CSMD3: variants seen among roughly 807,000 people sequenced by gnomAD.
CSMD3 encodes CUB and sushi domain-containing protein 3.
Under a neutral mutation model 435.2 loss-of-function variants are expected in CSMD3, and 177 were observed. The observed-to-expected ratio is 0.41, with a 90% CI of 0.36 to 0.46. The LOEUF (loss-of-function observed/expected upper bound fraction) is 0.46. Ranked by LOEUF, CSMD3 falls within the 20% of genes least tolerant of loss-of-function variation. The probability of loss-of-function intolerance (pLI) is 0.34; values close to 1 mark genes in which losing one functional copy is unlikely to be tolerated. For missense variants in CSMD3, 4,265 were observed against 4,504.6 expected (o/e 0.95, Z 1.52); for synonymous variants, 1,656 against 1,520.5 (o/e 1.09, Z -2.07).
chr8:112,597,143 G>C (rs1320047784), intron 22 of CSMD3, among the ~76,000 whole-genome samples: 1 of 151,032 alleles, frequency 6.6e-6, no homozygotes, highest in Non-Finnish European at 1.5e-5. Context: ...GAAGAAAAGA[G>C]AGAAGAGTCA....
chr8:112,536,220 T>C (rs1826063360), intron 27 of CSMD3, among the ~76,000 whole-genome samples: 1 of 150,614 alleles, frequency 6.6e-6, no homozygotes, highest in Non-Finnish European at 1.5e-5. Flanking sequence ...GAAACTACCA[T>C]CAGAGTGAAC....
At chr8:112,306,684 T>C (rs997244400) in intron 50 of CSMD3, among the ~76,000 whole-genome samples, 5 of 152,174 alleles carry the variant, frequency 3.3e-5, no homozygotes, top group African/African-American at 9.7e-5. Flanking sequence ...GCTATTTCTG[T>C]CTTAGCAGAA....
At chr8:113,217,386 C>A (rs1039026342) in intron 3 of CSMD3, among the ~76,000 whole-genome samples, 1 of 150,904 alleles carries the variant, frequency 6.6e-6, no homozygotes, top group Non-Finnish European at 1.5e-5. Context: ...CAGAAACAAA[C>A]CAAGAAATGA....
At chr8:113,350,712 G>A (rs1171251557) in intron 1 of CSMD3, among the ~76,000 whole-genome samples, 1 of 152,006 alleles carries the variant, frequency 6.6e-6, no homozygotes, top group Non-Finnish European at 1.5e-5. Context: ...CTAAAATGTA[G>A]ATAGAATCAA....
intron 5 of CSMD3, among the ~76,000 whole-genome samples, chr8:113,034,720 T>C (rs2087265869): frequency 6.6e-6 from 1 of 152,148 alleles, no homozygotes; most frequent in African/African-American, 2.4e-5. Context: ...CAGAAATACA[T>C]AATGGATTAT....
At position 113,054,089 on chromosome 8, in the gene CSMD3, T is replaced by A. The variant is rs1013648446; in HGVS notation, c.918-34910A>T. On this transcript the variant is annotated intron_variant, in intron 5 of 70. Coordinates refer to ENST00000297405, the MANE Select transcript of CSMD3 (RefSeq NM_198123.2). ...ATGGAAAACTTTAGTTCACTCTTGTTATGACATTTTGTATTACTCACATCT... is the reference window on the plus strand; with the variant it reads ...ATGGAAAACTTTAGTTCACTCTTGTAATGACATTTTGTATTACTCACATCT... Among the ~76,000 whole-genome samples the A allele has an allele frequency of 2.6e-5, 4 of 152,180 alleles. No individual in the cohort carries two copies. The East Asian group carries it at 7.7e-4, about 29-fold the overall frequency.
intron 5 of CSMD3, 53 bp from the exon 6 acceptor site, chr8:113,019,232 A>G (rs2086591637): frequency 7.7e-6 from 9 of 1,171,892 alleles, no homozygotes; most frequent in South Asian, 6.1e-5. Context: ...TCAGCAGTAA[A>G]CGTTTTCACA....
chr8:113,334,504 T>C (rs1433451088), intron 1 of CSMD3, among the ~76,000 whole-genome samples: 2 of 152,010 alleles, frequency 1.3e-5, no homozygotes, highest in African/African-American at 4.8e-5. Flanking sequence ...TAGGGATTTA[T>C]ACTCTCTAGA....
intron 5 of CSMD3, among the ~76,000 whole-genome samples, chr8:113,087,726 T>C (rs1246517606): frequency 1.3e-5 from 2 of 152,136 alleles, no homozygotes; most frequent in Admixed American, 1.3e-4. Context: ...ATTAAAGACT[T>C]AAATTTTAGA....
Position 112,291,541 on chromosome 8 carries a change from T to C in CSMD3, c.8943A>G (p.Gly2981=). The C allele has an allele frequency of 1.2e-6, 2 of 1,611,278 alleles. No homozygotes were observed. Among genetic ancestry groups the C allele is most frequent in the Middle Eastern group, 1.7e-4 (1 of 6,030 alleles). Residue 2981 remains glycine (G), a synonymous_variant, in exon 56 of 71, where the codon GGA becomes GGG. Transcript: ENST00000297405. ...GSSVLICQPN[G]QWDKPLPECI... Reference sequence around the variant, plus strand: ...ATTCTGGTAAAGGTTTGTCCCATTGTCCATTTGGTTGACATATCAAAACTG... The same window carrying C: ...ATTCTGGTAAAGGTTTGTCCCATTGCCCATTTGGTTGACATATCAAAACTG...
At chr8:112,925,079 T>C (rs2082869413) in intron 9 of CSMD3, among the ~76,000 whole-genome samples, 1 of 152,120 alleles carries the variant, frequency 6.6e-6, no homozygotes, top group Non-Finnish European at 1.5e-5. Context: ...TTTATTTTTG[T>C]CCATTTATAA....
At chr8:112,790,776 A>G (rs2078668169) in intron 13 of CSMD3, among the ~76,000 whole-genome samples, 1 of 152,158 alleles carries the variant, frequency 6.6e-6, no homozygotes, top group South Asian at 2.1e-4. Context: ...TGAATGAAAC[A>G]TTGTTCTTGC....
At chr8:113,115,921 G>C (rs1001994244) in intron 4 of CSMD3, among the ~76,000 whole-genome samples, 3 of 152,072 alleles carry the variant, frequency 2.0e-5, no homozygotes, top group Admixed American at 6.6e-5. Flanking sequence ...AGAAAATATA[G>C]GTCCAAAGGT....
At chr8:112,846,742 T>C (rs961830155) in intron 11 of CSMD3, among the ~76,000 whole-genome samples, 2 of 151,984 alleles carry the variant, frequency 1.3e-5, no homozygotes, top group Non-Finnish European at 2.9e-5. Flanking sequence ...TATTTATATT[T>C]ATTGATATTT....
At chr8:112,931,148 C>T (rs2083094121) in intron 9 of CSMD3, among the ~76,000 whole-genome samples, 1 of 151,818 alleles carries the variant, frequency 6.6e-6, no homozygotes, top group South Asian at 2.1e-4. Flanking sequence ...ACCTTAAATA[C>T]TTCATCATTT....
At chr8:112,785,683 G>T (rs1208101110) in intron 13 of CSMD3, among the ~76,000 whole-genome samples, 1 of 151,824 alleles carries the variant, frequency 6.6e-6, no homozygotes, top group Non-Finnish European at 1.5e-5. Flanking sequence ...TCCCATTTAT[G>T]ATAGCTACAA....
intron 38 of CSMD3, among the ~76,000 whole-genome samples, chr8:112,357,468 C>T (rs1826729926): frequency 6.6e-6 from 1 of 152,020 alleles, no homozygotes. Flanking sequence ...GAAATTCAAG[C>T]CAGCTGCATA....
At chr8:112,799,737 G>C (rs923038425) in intron 13 of CSMD3, among the ~76,000 whole-genome samples, 2 of 151,944 alleles carry the variant, frequency 1.3e-5, no homozygotes, top group Non-Finnish European at 2.9e-5. Context: ...ATATTTATAT[G>C]TTTGATAGAT....
intron 1 of CSMD3, among the ~76,000 whole-genome samples, chr8:113,417,474 AT>A (rs1431831260): frequency 6.6e-6 from 1 of 151,944 alleles, no homozygotes; most frequent in Non-Finnish European, 1.5e-5. Context: ...GTAAAAAATT[AT>A]TATATTAATA....
Sources: allele counts gnomAD v4.1 joint callset (sites outside exome capture counted in the v4.1 genomes callset), GRCh38; gene constraint gnomAD v4.1.1; transcripts MANE v1.5; gene names NCBI Gene and HGNC (gene_info 2026-07-23, HGNC 2026-07-21).